The following MTA1 variants were observed in gnomAD, a reference collection of about 807,000 sequenced individuals.
The protein encoded by MTA1 is metastasis-associated protein MTA1.
MTA1 carries 15 observed loss-of-function variants against 97.0 expected under a neutral mutation model. That is an observed-to-expected ratio of 0.15 (90% confidence interval 0.10 to 0.24). The LOEUF (loss-of-function observed/expected upper bound fraction) is 0.24, where lower values mean the gene tolerates loss of function less well. Among genes scored for constraint, MTA1 ranks in the 10% least tolerant of loss-of-function variants. The pLI, the probability that MTA1 is intolerant of heterozygous loss-of-function variation, is 1.00. For synonymous variants in MTA1, 435 were observed against 417.5 expected (o/e 1.04, Z -0.51); for missense variants, 709 against 1,015.1 (o/e 0.70, Z 4.10).
intron 2 of MTA1, among the ~76,000 whole-genome samples, chr14:105,442,926 T>C (rs1485385953): frequency 6.6e-6 from 1 of 152,224 alleles, no homozygotes; most frequent in African/African-American, 2.4e-5. Flanking sequence ...ATGGGAGGCC[T>C]GGCCTGAGGC....
chr14:105,469,508 A>AC lies in MTA1; in HGVS notation c.1845+11dup. On this transcript the variant is annotated intron_variant, in intron 19 of 20. Coordinates refer to ENST00000331320, the MANE Select transcript of MTA1 (RefSeq NM_004689.4). ...ACAGGCCAGGCACATGGTAAGAGGA[A>AC]CAACCCATGATGGGGTACGGTGCGC... The AC allele has an allele frequency of 6.2e-7, 1 of 1,612,470 alleles. No individual in the cohort carries two copies. The highest frequency in any genetic ancestry group is 1.3e-5 in the African/African-American group (1 of 75,048).
At position 105,424,244 on chromosome 14, in the gene MTA1, G is replaced by T. The variant is rs188543879; in HGVS notation, c.28+4181G>T. Among the ~76,000 whole-genome samples the T allele has an allele frequency of 1.3e-5, 2 of 152,374 alleles. No homozygotes were observed. Among genetic ancestry groups the T allele is most frequent in the Admixed American group, 6.5e-5 (1 of 15,308 alleles). On this transcript the variant is annotated intron_variant, in intron 1 of 20. Transcript: ENST00000331320. This position sits in a 1 kb window ranked among gnomAD's most constrained non-coding sequence, Gnocchi z 4.0. ...GAGTCTCGCTCTGTCCCCCAGGCTG[G>T]AGTGCAGTAGCGCAATCTGGGCTCA...
Position 105,464,806 on chromosome 14 carries a change from T to C in MTA1, c.1477T>C (p.Trp493Arg), listed in dbSNP as rs1171350193. The C allele has an allele frequency of 1.2e-6, 2 of 1,604,030 alleles. No individual in the cohort carries two copies. The highest frequency in any genetic ancestry group is 3.3e-4 in the Middle Eastern group (2 of 6,058). Residue 493 changes from tryptophan (W) to arginine (R), a missense_variant, in exon 15 of 21, where the codon TGG (tryptophan) becomes CGG (arginine). Trp to Arg is a moderately radical substitution (Grantham distance 101, BLOSUM62 -3). Around this residue, in one of 2 missense-constraint regions of MTA1, gnomAD observed 388 missense variants for 421.6 expected, o/e 0.92. Coordinates refer to ENST00000331320, the MANE Select transcript of MTA1 (RefSeq NM_004689.4). The part of the protein sequence containing the change: ...RRLCREILRP[W>R]HAARHPYLPI... ...CCTGTGCCGTGAGATCCTGCGCCCG[T>C]GGCACGCTGCGCGGCACCCCTACCT... is the stretch of plus-strand genomic sequence containing the variant.
intron 1 of MTA1, among the ~76,000 whole-genome samples, chr14:105,421,364 A>G (rs2081829751): frequency 1.3e-5 from 2 of 151,544 alleles, no homozygotes; most frequent in African/African-American, 4.9e-5. Flanking sequence ...CTTTCTCCCC[A>G]CCTGGAGACC....
At chr14:105,436,800 G>A (rs587638065) in intron 1 of MTA1, among the ~76,000 whole-genome samples, 6 of 152,314 alleles carry the variant, frequency 3.9e-5, no homozygotes, top group Admixed American at 2.6e-4. Flanking sequence ...AAGTTAGACC[G>A]TTGATTTGAG....
intron 2 of MTA1, among the ~76,000 whole-genome samples, chr14:105,440,687 G>T (rs1026086127): frequency 6.6e-6 from 1 of 152,272 alleles, no homozygotes; most frequent in East Asian, 1.9e-4. Context: ...GCACTTGCCT[G>T]TCTCTGGGCG....
chr14:105,447,193 C>T (rs1372085138), intron 3 of MTA1, among the ~76,000 whole-genome samples: 3 of 151,596 alleles, frequency 2.0e-5, no homozygotes, highest in African/African-American at 4.8e-5. Flanking sequence ...CGGCCTGGCT[C>T]GCTGGAGAAG....
intron 1 of MTA1, among the ~76,000 whole-genome samples, chr14:105,425,931 C>T (rs1357750531): frequency 6.6e-6 from 1 of 152,062 alleles, no homozygotes; most frequent in Non-Finnish European, 1.5e-5. Flanking sequence ...GGCCATGCAG[C>T]GCACCTGAGG....
intron 10 of MTA1, among the ~76,000 whole-genome samples, chr14:105,462,152 G>A (rs1567040049): frequency 2.0e-5 from 3 of 152,276 alleles, no homozygotes; most frequent in Admixed American, 1.3e-4. Flanking sequence ...GTCCAGGTGC[G>A]GGGATGGGAG....
intron 2 of MTA1, among the ~76,000 whole-genome samples, chr14:105,440,796 C>T (rs782086819): frequency 3.3e-5 from 5 of 152,262 alleles, no homozygotes; most frequent in Admixed American, 6.5e-5. Flanking sequence ...CGCAGGCCTG[C>T]GACAGAGTGC....
At position 105,466,395 on chromosome 14, in the gene MTA1, C is replaced by T. The variant is rs1468639882; in HGVS notation, c.1625-31C>T. ...CTGCCCCTCCCCTGCTGGGCAGAGG[C>T]AACTCGTTCTGCCTGTGTCATTCCC... On this transcript the variant is annotated intron_variant, in intron 16 of 20. Transcript: ENST00000331320. The T allele has an allele frequency of 6.9e-6, 11 of 1,589,854 alleles. No individual in the cohort carries two copies. In the African/African-American group the frequency reaches 1.5e-4, roughly 21 times the overall value.
Position 105,469,966 on chromosome 14 carries a change from G to T in MTA1, c.1971G>T (p.Val657=). ...RMNWIDAPDD[V]FYMATEETRK... Reference sequence around the variant, plus strand: ...ACTGGATCGACGCCCCGGATGACGTGTTCTACATGGCCACAGAGGAGACCA... The same window carrying T: ...ACTGGATCGACGCCCCGGATGACGTTTTCTACATGGCCACAGAGGAGACCA... Residue 657 remains valine (V), a synonymous_variant, in exon 20 of 21, where the codon GTG becomes GTT. Coordinates refer to ENST00000331320, the MANE Select transcript of MTA1 (RefSeq NM_004689.4). The T allele has an allele frequency of 6.2e-7, 1 of 1,612,534 alleles. No individual in the cohort carries two copies. Among genetic ancestry groups the T allele is most frequent in the Non-Finnish European group, 8.5e-7 (1 of 1,179,860 alleles).
intron 2 of MTA1, among the ~76,000 whole-genome samples, chr14:105,441,648 G>T (rs1039636873): frequency 1.4e-4 from 21 of 152,164 alleles, no homozygotes; most frequent in African/African-American, 4.8e-4. Flanking sequence ...CAAAAAATTA[G>T]CCGGGCGTGG....
chr14:105,441,694 T>C (rs1411467599), intron 2 of MTA1, among the ~76,000 whole-genome samples: 1 of 152,090 alleles, frequency 6.6e-6, no homozygotes, highest in Non-Finnish European at 1.5e-5. Flanking sequence ...CTCGGGAGGC[T>C]GAGGCAGGAG....
chr14:105,454,807 G>C (rs146438660), intron 7 of MTA1: 1 of 155,990 alleles, frequency 6.4e-6, no homozygotes, highest in Admixed American at 6.2e-5. Flanking sequence ...GGGTTTCACC[G>C]TGTTGGCCAC....
In MTA1 at chr14:105,424,244, G is replaced by C. The variant is rs188543879; in HGVS notation, c.28+4181G>C. Among the ~76,000 whole-genome samples the C allele has an allele frequency of 6.6e-6, 1 of 152,256 alleles. No individual in the cohort carries two copies. The highest frequency in any genetic ancestry group is 1.5e-5 in the Non-Finnish European group (1 of 68,044). On this transcript the variant is annotated intron_variant, in intron 1 of 20. Coordinates refer to ENST00000331320, the MANE Select transcript of MTA1 (RefSeq NM_004689.4). This position sits in a 1 kb window ranked among gnomAD's most constrained non-coding sequence, Gnocchi z 4.0. ...GAGTCTCGCTCTGTCCCCCAGGCTG[G>C]AGTGCAGTAGCGCAATCTGGGCTCA...
At chr14:105,446,554 C>T (rs1460289693) in intron 3 of MTA1, among the ~76,000 whole-genome samples, 5 of 152,226 alleles carry the variant, frequency 3.3e-5, no homozygotes, top group Non-Finnish European at 5.9e-5. Context: ...GAAGTCAGCC[C>T]AGGCAACCTC....
intron 10 of MTA1, among the ~76,000 whole-genome samples, chr14:105,462,157 T>TCTC (rs1555431196): frequency 0.12 from 1,049 of 9,082 alleles, 4 homozygotes; most frequent in Non-Finnish European, 0.18. Context: ...GGTGCGGGGA[T>TCTC]GGGAGGCTGC....
intron 1 of MTA1, among the ~76,000 whole-genome samples, chr14:105,431,716 C>T (rs900883133): frequency 4.6e-5 from 7 of 152,162 alleles, no homozygotes; most frequent in Non-Finnish European, 8.8e-5. Context: ...ACCTCTGCCT[C>T]CCGGGCCCGA....
Sources: allele counts gnomAD v4.1 joint callset (sites outside exome capture counted in the v4.1 genomes callset), GRCh38; gene constraint gnomAD v4.1.1; regional missense constraint gnomAD v4.1.1; non-coding constraint Gnocchi (gnomAD v3.1); transcripts MANE v1.5; gene names NCBI Gene and HGNC (gene_info 2026-07-23, HGNC 2026-07-21).